Variants in C10orf71 observed in about 807,000 individuals in gnomAD.
The protein encoded by C10orf71 is chromosome 10 open reading frame 71.
For missense variants in C10orf71, 1,869 were observed against 1,804.5 expected (o/e 1.04, Z -0.65); for synonymous variants, 758 against 726.3 (o/e 1.04, Z -0.70).
chr10:49,310,332 C>A (rs1164437582), intron 1 of C10orf71, among the ~76,000 whole-genome samples: 1 of 152,220 alleles, frequency 6.6e-6, no homozygotes, highest in Non-Finnish European at 1.5e-5. Flanking sequence ...GACACCAATT[C>A]TCCCATGAAC....
chr10:49,315,664 T>C (rs141133097), intron 1 of C10orf71, among the ~76,000 whole-genome samples: 8 of 152,366 alleles, frequency 5.3e-5, no homozygotes, highest in African/African-American at 1.9e-4. Flanking sequence ...AAATTGACCT[T>C]ATGGTCAAAT....
At chr10:49,321,215 C>G (rs945517464) in intron 2 of C10orf71, among the ~76,000 whole-genome samples, 1 of 151,980 alleles carries the variant, frequency 6.6e-6, no homozygotes, top group Non-Finnish European at 1.5e-5. Context: ...ACAAATAACT[C>G]CCCCCTTCCC....
At chr10:49,319,657 G>GTA (rs1263920939) in intron 2 of C10orf71, among the ~76,000 whole-genome samples, 1 of 94,856 alleles carries the variant, frequency 1.1e-5, no homozygotes, top group Non-Finnish European at 2.3e-5. Flanking sequence ...AAAACGTGGT[G>GTA]TATATATATG....
At chr10:49,320,299 CAGG>C (rs1260252033) in intron 2 of C10orf71, among the ~76,000 whole-genome samples, 2 of 152,144 alleles carry the variant, frequency 1.3e-5, no homozygotes, top group African/African-American at 4.8e-5. Flanking sequence ...TGTCACAAGG[CAGG>C]AGGAGTGGAG....
chr10:49,319,250 G>GT (rs1463449989), intron 2 of C10orf71, among the ~76,000 whole-genome samples: 1 of 152,036 alleles, frequency 6.6e-6, no homozygotes, highest in Non-Finnish European at 1.5e-5. Flanking sequence ...AGGGGAAGCC[G>GT]TAAGTATTCC....
At chr10:49,310,753 G>C (rs1272117488) in intron 1 of C10orf71, among the ~76,000 whole-genome samples, 1 of 151,854 alleles carries the variant, frequency 6.6e-6, no homozygotes, top group Non-Finnish European at 1.5e-5. Flanking sequence ...AGTGCTAAAA[G>C]TTGGTGAGAC....
rs1230985555 is a variant in C10orf71, at chr10:49,325,430, C to T, written c.2885C>T (p.Pro962Leu). 1.3e-6 allele frequency: 2 copies of T among 1,550,048 alleles called. No individual in the cohort carries two copies. Among genetic ancestry groups the T allele is most frequent in the African/African-American group, 2.7e-5 (2 of 73,014 alleles). The change falls in exon 3 of 3, where the codon CCT becomes CTT. Residue 962 changes from proline to leucine, a missense_variant. Coordinates refer to ENST00000374144, the MANE Select transcript of C10orf71 (RefSeq NM_001135196.2). ...PAPKGNFPSM[P>L]LVGEGDRVKA... is the part of the protein sequence containing the mutation. ...CCAAAGGGGAATTTCCCATCTATGCCTCTGGTGGGAGAGGGGGACCGGGTG... is the reference window on the plus strand; with the variant it reads ...CCAAAGGGGAATTTCCCATCTATGCTTCTGGTGGGAGAGGGGGACCGGGTG...
At chr10:49,297,405 A>G (rs867269109), upstream of C10orf71, among the ~76,000 whole-genome samples, 1 of 152,232 alleles carries the variant, frequency 6.6e-6, no homozygotes. Flanking sequence ...TGTCAAATCC[A>G]TGATCTATTA....
At chr10:49,317,279 T>C (rs1288598315) in intron 2 of C10orf71, among the ~76,000 whole-genome samples, 1 of 152,186 alleles carries the variant, frequency 6.6e-6, no homozygotes, top group Non-Finnish European at 1.5e-5. Flanking sequence ...GGTGCTGCCG[T>C]GGGCTCATGG....
intron 1 of C10orf71, among the ~76,000 whole-genome samples, chr10:49,306,252 T>A (rs1247160855): frequency 6.6e-6 from 1 of 152,228 alleles, no homozygotes; most frequent in Non-Finnish European, 1.5e-5. Context: ...AAGCAGTGCC[T>A]GCCACAGGGA....
rs73307810 is a variant in C10orf71, at chr10:49,303,248, C to G, written c.-248+4015C>G. On this transcript the variant is annotated intron_variant, in intron 1 of 2. Transcript: ENST00000374144. ...TGACCACACATGGTGACCACCTCCC[C>G]TCTTGTGCGGAAGAGGTCATGGATC... is the stretch of plus-strand genomic sequence containing the variant. Among the ~76,000 whole-genome samples the G allele has an allele frequency of 7.3e-3, 1,114 of 152,262 alleles. 14 individuals are homozygous for G. Among genetic ancestry groups the G allele is most frequent in the African/African-American group, 0.026 (1,073 of 41,530 alleles).
chr10:49,323,427 T>C lies in C10orf71; in HGVS notation c.882T>C (p.Ala294=), dbSNP rs1317003214. ...QPKLLERKDT[A]GTVPESKAPK... is the part of the protein sequence containing the mutation. Reference sequence around the variant, plus strand: ...AGCTGCTGGAGAGAAAGGACACAGCTGGAACCGTCCCAGAAAGCAAAGCTC... The same window carrying C: ...AGCTGCTGGAGAGAAAGGACACAGCCGGAACCGTCCCAGAAAGCAAAGCTC... The change falls in exon 3 of 3, where the codon GCT becomes GCC. Residue 294 remains alanine (A), a synonymous_variant. Transcript: ENST00000374144. 6.2e-7 allele frequency: 1 copy of C among 1,613,988 alleles called. No homozygotes were observed. Among genetic ancestry groups the C allele is most frequent in the East Asian group, 2.2e-5 (1 of 44,886 alleles).
chr10:49,325,069 A>AAAGAC lies in C10orf71; in HGVS notation c.2524_2525insAAGAC (p.Thr842LysfsTer28). ...AACCTTTTCACAGGCCAAAGACCTT[A>AAAGAC]CTCCCTCACCATCTTCTGCTTCAAA... On this transcript the variant is annotated frameshift_variant, in exon 3 of 3. Transcript: ENST00000374144. LOFTEE classifies it low-confidence loss of function (END_TRUNC). The AAAGAC allele has an allele frequency of 6.4e-7, 1 of 1,551,688 alleles. No individual in the cohort carries two copies. The highest frequency in any genetic ancestry group is 8.7e-7 in the Non-Finnish European group (1 of 1,147,012).
rs200497882 is a variant in C10orf71, at chr10:49,323,182, G to A, written c.637G>A (p.Gly213Ser). Residue 213 changes from glycine to serine, a missense_variant, in exon 3 of 3, where the codon GGC becomes AGC. Physicochemically the swap from Gly to Ser is moderately conservative, Grantham distance 56. Transcript: ENST00000374144. ...SNTHQNSYQP[G>S]RKHGEQESSK... ...CACCCATCAGAACAGCTACCAGCCA[G>A]GCAGGAAGCACGGAGAACAGGAGTC... 54 of 1,613,982 alleles carry A rather than the reference G, an allele frequency of 3.3e-5. No individual in the cohort carries two copies. The highest frequency in any genetic ancestry group is 4.3e-5 in the Non-Finnish European group (51 of 1,179,892).
chr10:49,326,137 C>T lies in C10orf71; in HGVS notation c.3592C>T (p.Gln1198Ter). Residue 1198 changes from glutamine (Q) to a stop codon, truncating the protein, a stop_gained, in exon 3 of 3, where the codon CAG (glutamine) becomes TAG (stop). Coordinates refer to ENST00000374144, the MANE Select transcript of C10orf71 (RefSeq NM_001135196.2). LOFTEE classifies it low-confidence loss of function (END_TRUNC). ...TAAGAGGAGGAAGACGGATCAGGCT[C>T]AGGAGAAGCATGGCGAGTCACAGGA... The part of the protein sequence containing the change: ...ASKRRKTDQA[Q>*]EKHGESQEGK... 1.3e-6 allele frequency: 2 copies of T among 1,551,696 alleles called. No individual in the cohort carries two copies. Among genetic ancestry groups the T allele is most frequent in the Non-Finnish European group, 1.7e-6 (2 of 1,147,000 alleles).
At chr10:49,313,846 C>T (rs539609702) in intron 1 of C10orf71, among the ~76,000 whole-genome samples, 9 of 152,186 alleles carry the variant, frequency 5.9e-5, no homozygotes, top group South Asian at 2.1e-4. Flanking sequence ...GGTGGGTGGG[C>T]GGAGGCGTGG....
At chr10:49,303,500 G>A (rs149162952) in intron 1 of C10orf71, among the ~76,000 whole-genome samples, 54 of 152,252 alleles carry the variant, frequency 3.5e-4, no homozygotes, top group African/African-American at 1.2e-3. Flanking sequence ...CTCCAGGTGC[G>A]GTCTCAGGGC....
chr10:49,320,932 A>G (rs906220889), intron 2 of C10orf71, among the ~76,000 whole-genome samples: 4 of 152,154 alleles, frequency 2.6e-5, no homozygotes, highest in Admixed American at 1.3e-4. Context: ...AGCCACACAT[A>G]TTTAATGTGT....
chr10:49,324,864 G>C lies in C10orf71; in HGVS notation c.2319G>C (p.Val773=). ...GDSQKDEKEN[V]MRKDELQYCA... ...GTCAGAAGGATGAGAAGGAGAATGTGATGCGGAAGGATGAGCTGCAGTACT... is the reference window on the plus strand; with the variant it reads ...GTCAGAAGGATGAGAAGGAGAATGTCATGCGGAAGGATGAGCTGCAGTACT... The change falls in exon 3 of 3, where the codon GTG becomes GTC. Residue 773 remains valine, a synonymous_variant. Coordinates refer to ENST00000374144, the MANE Select transcript of C10orf71 (RefSeq NM_001135196.2). 2 of 1,551,874 alleles carry C rather than the reference G, an allele frequency of 1.3e-6. No homozygotes were observed. Among genetic ancestry groups the C allele is most frequent in the South Asian group, 1.2e-5 (1 of 84,062 alleles).
Sources: gnomAD v4.1 joint callset for allele counts (sites outside exome capture counted in the v4.1 genomes callset) on GRCh38, gnomAD v4.1.1 for gene constraint, MANE v1.5 for transcripts, NCBI Gene and HGNC (gene_info 2026-07-23, HGNC 2026-07-21) for gene names.